The following GAS2 variants were observed in gnomAD, a reference collection of about 807,000 sequenced individuals.
GAS2 encodes the protein growth arrest-specific protein 2.
GAS2 carries 20 observed loss-of-function variants against 37.5 expected under a neutral mutation model. The observed-to-expected ratio is 0.53, with a 90% confidence interval of 0.37 to 0.77. The LOEUF (loss-of-function observed/expected upper bound fraction) is 0.77. GAS2 is among the 30% of genes least tolerant of loss of function. The pLI is 0.00. For missense variants in GAS2, 336 were observed against 373.4 expected, an observed-to-expected ratio of 0.90 and a Z score of 0.82; for synonymous variants, 144 against 132.2, an observed-to-expected ratio of 1.09 and a Z score of -0.61.
At chr11:22,717,677 A>G (rs556587366) in intron 3 of GAS2, among the ~76,000 whole-genome samples, 3 of 152,210 alleles carry the variant, frequency 2.0e-5, no homozygotes, top group African/African-American at 7.2e-5. Flanking sequence ...TCACCAGAGT[A>G]AACAGACAAC....
At position 22,752,791 on chromosome 11, in the gene GAS2, T is replaced by G. The variant is rs986149473; in HGVS notation, c.616-3055T>G. On this transcript the variant is annotated intron_variant, in intron 6 of 7. Transcript: ENST00000454584. Reference sequence around the variant, plus strand: ...CAGTTTCAGCAATAACTGCCAGTTTTGAAACCTTCAATGTTTCTTCACATT... The same window carrying G: ...CAGTTTCAGCAATAACTGCCAGTTTGGAAACCTTCAATGTTTCTTCACATT... 2.0e-5 allele frequency among the ~76,000 whole-genome samples: 3 copies of G among 152,200 alleles called. No individual in the cohort carries two copies. The East Asian group carries it at 5.8e-4, about 29-fold the overall frequency.
chr11:22,726,950 AT>A (rs1852246637), intron 4 of GAS2, among the ~76,000 whole-genome samples: 1 of 152,144 alleles, frequency 6.6e-6, no homozygotes, highest in Admixed American at 6.6e-5. Context: ...ATAACAAGAG[AT>A]TAATATCATC....
rs190996372 is a variant in GAS2 at position 22,751,188 on chromosome 11, G to A, written c.615+1927G>A. Among the ~76,000 whole-genome samples, 527 of 151,916 alleles carry A rather than the reference G, an allele frequency of 3.5e-3. 3 individuals carry two copies. Among genetic ancestry groups the A allele is most frequent in the African/African-American group, 0.012 (490 of 41,466 alleles). On this transcript the variant is annotated intron_variant, in intron 6 of 7. Coordinates refer to ENST00000454584, the MANE Select transcript of GAS2 (RefSeq NM_001143830.3). ...GTTCTGGCCTACTGTGTGTTTTCTG[G>A]CTATTTTGTCTGCTGCATTAGTCCC...
At chr11:22,811,428 C>T (rs1187416994) in intron 7 of GAS2, among the ~76,000 whole-genome samples, 1 of 151,998 alleles carries the variant, frequency 6.6e-6, no homozygotes, top group African/African-American at 2.4e-5. Context: ...GGGGAATAAC[C>T]CACTGGGAAA....
intron 3 of GAS2, among the ~76,000 whole-genome samples, chr11:22,708,570 T>C (rs1231797904): frequency 6.6e-6 from 1 of 152,162 alleles, no homozygotes; most frequent in Non-Finnish European, 1.5e-5. Context: ...TCAGGCAGTC[T>C]GGTTCCAAAT....
chr11:22,734,210 A>G (rs2134206310), intron 4 of GAS2, among the ~76,000 whole-genome samples: 1 of 151,836 alleles, frequency 6.6e-6, no homozygotes, highest in South Asian at 2.1e-4. Context: ...TTTTAATCAC[A>G]AAAGAAAATT....
intron 3 of GAS2, among the ~76,000 whole-genome samples, chr11:22,695,279 C>T (rs1440655711): frequency 1.3e-5 from 2 of 151,948 alleles, no homozygotes; most frequent in African/African-American, 4.8e-5. Context: ...AAGATCACGC[C>T]ACTGCACTCC....
At chr11:22,745,132 A>AAAG (rs1320823919) in intron 5 of GAS2, among the ~76,000 whole-genome samples, 2 of 146,670 alleles carry the variant, frequency 1.4e-5, no homozygotes, top group Non-Finnish European at 3.0e-5. Context: ...AAAAAAAAAA[A>AAAG]AGAAAGAAAA....
At position 22,669,476 on chromosome 11, in the gene GAS2, T is replaced by C. The variant is rs1408138728; in HGVS notation, c.-21+2577T>C. Among the ~76,000 whole-genome samples, 3 of 152,278 alleles carry C rather than the reference T, an allele frequency of 2.0e-5. No individual in the cohort carries two copies. The East Asian group carries it at 5.8e-4, about 29-fold the overall frequency. ...TAAATCATGATTTGAGAAGAAATTG[T>C]TATTTGTAACTACACCATCATTTCA... On this transcript the variant is annotated intron_variant, in intron 1 of 7. Transcript: ENST00000454584.
At chr11:22,650,163 A>C (rs1227671324) in intron 1 of GAS2, among the ~76,000 whole-genome samples, 1 of 150,992 alleles carries the variant, frequency 6.6e-6, no homozygotes, top group African/African-American at 2.4e-5. Flanking sequence ...TTCTGCCTTC[A>C]TTTCGTTATG....
chr11:22,777,797 C>T (rs72973131), intron 7 of GAS2, among the ~76,000 whole-genome samples: 3,126 of 152,216 alleles, frequency 0.021, 56 homozygotes, highest in Non-Finnish European at 0.033. Context: ...AGGCATTACA[C>T]GGCAATTGGA....
intron 7 of GAS2, among the ~76,000 whole-genome samples, chr11:22,807,557 A>C (rs978826230): frequency 6.6e-6 from 1 of 152,214 alleles, no homozygotes; most frequent in African/African-American, 2.4e-5. Flanking sequence ...CTCTCCAGTT[A>C]CTGCCTACAG....
Position 22,644,795 on chromosome 11 carries a change from G to A in GAS2, c.-21+18982G>A, listed in dbSNP as rs144650465. On this transcript the variant is annotated intron_variant, in intron 1 of 5. Coordinates refer to the GAS2 transcript ENST00000528582. The stretch of plus-strand genomic sequence containing the variant: ...CACCACCACACCTGGATAAATTTTT[G>A]TATTTTCAGTAGAGATAGGGTTTTG... Among the ~76,000 whole-genome samples, 297 of 152,148 alleles carry A rather than the reference G, an allele frequency of 2.0e-3. 1 individual carries two copies. Among genetic ancestry groups the A allele is most frequent in the African/African-American group, 6.7e-3 (279 of 41,514 alleles).
At chr11:22,726,512 T>C in intron 4 of GAS2, 79 bp downstream of exon 4, 1 of 1,269,554 alleles carries the variant, frequency 7.9e-7, no homozygotes. Context: ...CATCAAAAAG[T>C]TTTTTGTATG....
At chr11:22,733,728 C>T (rs979056481) in intron 4 of GAS2, among the ~76,000 whole-genome samples, 4 of 151,500 alleles carry the variant, frequency 2.6e-5, no homozygotes, top group Non-Finnish European at 4.4e-5. Flanking sequence ...TGAATGGAAA[C>T]CTGTGTTACT....
In GAS2 at chr11:22,755,881, C is replaced by A. The variant is rs1854002900; in HGVS notation, c.651C>A (p.Cys217Ter). The change falls in exon 7 of 8, where the codon TGC becomes TGA. Residue 217 changes from cysteine (C) to a stop codon, truncating the protein, a stop_gained. Transcript: ENST00000454584. LOFTEE classifies it high-confidence loss of function. Reference protein sequence around the residue: ...KRISEDPPCKCPNKFCVERLS... With the variant: ...KRISEDPPCK ...TTTCTGAAGATCCTCCTTGCAAATG[C>A]CCAAACAAGTTCTGTGTGGAGCGGC... is the stretch of plus-strand genomic sequence containing the variant. 6.2e-7 allele frequency: 1 copy of A among 1,613,006 alleles called. No homozygotes were observed. Among genetic ancestry groups the A allele is most frequent in the Non-Finnish European group, 8.5e-7 (1 of 1,179,252 alleles).
intron 7 of GAS2, among the ~76,000 whole-genome samples, chr11:22,785,299 A>G (rs936042215): frequency 2.0e-5 from 3 of 152,094 alleles, no homozygotes; most frequent in Non-Finnish European, 4.4e-5. Flanking sequence ...TCTTTTTTCC[A>G]TTCATCCTGG....
intron 7 of GAS2, among the ~76,000 whole-genome samples, chr11:22,792,964 G>A (rs929711083): frequency 2.0e-5 from 3 of 152,134 alleles, no homozygotes; most frequent in Admixed American, 1.3e-4. Context: ...ATGTATGGAA[G>A]ACAAAAACAG....
At chr11:22,705,921 G>A (rs1851093309) in intron 3 of GAS2, among the ~76,000 whole-genome samples, 2 of 152,298 alleles carry the variant, frequency 1.3e-5, no homozygotes, top group Admixed American at 1.3e-4. Context: ...ATGGGAATAA[G>A]CAAGGCAGAG....
Sources: allele counts gnomAD v4.1 joint callset (sites outside exome capture counted in the v4.1 genomes callset), GRCh38; gene constraint gnomAD v4.1.1; transcripts MANE v1.5; gene names NCBI Gene and HGNC (gene_info 2026-07-23, HGNC 2026-07-21).